GRM8: variants seen among roughly 807,000 people sequenced by gnomAD.
GRM8 encodes the protein metabotropic glutamate receptor 8.
A neutral mutation model predicts 87.2 loss-of-function variants in GRM8; 47 were observed. The ratio of observed to expected loss-of-function variants is 0.54; its 90% confidence interval spans 0.43 to 0.69. The LOEUF (loss-of-function observed/expected upper bound fraction) is 0.69, where lower values mean the gene tolerates loss of function less well. Ranked by LOEUF, GRM8 falls within the 30% of genes least tolerant of loss-of-function variation. GRM8 has a pLI of 0.00. For synonymous variants in GRM8, 396 were observed against 404.5 expected, an observed-to-expected ratio of 0.98 and a Z score of 0.25; for missense variants, 1,019 against 1,139.2, an observed-to-expected ratio of 0.89 and a Z score of 1.52.
chr7:126,945,735 C>T (rs953936809), intron 3 of GRM8, among the ~76,000 whole-genome samples: 1 of 152,124 alleles, frequency 6.6e-6, no homozygotes, highest in African/African-American at 2.4e-5. Flanking sequence ...GGATATACAA[C>T]CTATAATTAA....
intron 3 of GRM8, among the ~76,000 whole-genome samples, chr7:127,062,588 G>C (rs982231631): frequency 2.0e-5 from 3 of 152,186 alleles, no homozygotes; most frequent in Non-Finnish European, 2.9e-5. Context: ...TGTAGGAATG[G>C]TTGGTACTTT....
chr7:126,935,704 T>C (rs1243884607), intron 3 of GRM8, among the ~76,000 whole-genome samples: 1 of 152,148 alleles, frequency 6.6e-6, no homozygotes, highest in African/African-American at 2.4e-5. Flanking sequence ...ATGATAACAG[T>C]TCAACTGAGA....
intron 2 of GRM8, among the ~76,000 whole-genome samples, chr7:127,112,008 G>C (rs1318766375): frequency 7.5e-6 from 1 of 134,004 alleles, no homozygotes; most frequent in Non-Finnish European, 1.5e-5. Flanking sequence ...TGGGCACCAA[G>C]AGCAAAACTC....
Position 127,038,301 on chromosome 7 carries a change from C to G in GRM8, c.727+68195G>C, listed in dbSNP as rs1818037442. On this transcript the variant is annotated intron_variant, in intron 3 of 10. Transcript: ENST00000339582. ...GAAGCCACTGAAGAAAAATATAAGA[C>G]AATACGTAAGAAAGTTACAGTACAC... Among the ~76,000 whole-genome samples, 3 of 152,024 alleles carry G rather than the reference C, an allele frequency of 2.0e-5. No individual in the cohort carries two copies. The South Asian group carries it at 6.2e-4, about 32-fold the overall frequency.
In GRM8 at chr7:126,904,695, A is replaced by C; in HGVS notation, c.728-12T>G. ...AATGCAAACACCACCTATTTAAAAA[A>C]GAAGGGAGGTGGTGATTCAGAAAGA... On this transcript the variant is annotated splice_polypyrimidine_tract_variant and intron_variant, in intron 3 of 10. Coordinates refer to ENST00000339582, the MANE Select transcript of GRM8 (RefSeq NM_000845.3). 6.2e-7 allele frequency: 1 copy of C among 1,611,522 alleles called. No individual in the cohort carries two copies. The highest frequency in any genetic ancestry group is 8.5e-7 in the Non-Finnish European group (1 of 1,178,176).
chr7:127,226,749 C>T (rs1441623110), intron 2 of GRM8, among the ~76,000 whole-genome samples: 2 of 152,232 alleles, frequency 1.3e-5, no homozygotes, highest in African/African-American at 2.4e-5. Flanking sequence ...CATGCTAGAG[C>T]TCCCAAACCA....
At chr7:127,127,432 T>G (rs890805509) in intron 2 of GRM8, among the ~76,000 whole-genome samples, 7 of 152,062 alleles carry the variant, frequency 4.6e-5, no homozygotes, top group Middle Eastern at 6.8e-3. Flanking sequence ...GGTGTAGCAA[T>G]AAAATAAAAT....
intron 9 of GRM8, among the ~76,000 whole-genome samples, chr7:126,483,614 TCTG>T: frequency 6.6e-6 from 1 of 151,592 alleles, no homozygotes. Flanking sequence ...AAACTTGTTA[TCTG>T]TTACTCAAAT....
chr7:126,620,873 T>A (rs1003448164), intron 7 of GRM8, among the ~76,000 whole-genome samples: 1 of 152,128 alleles, frequency 6.6e-6, no homozygotes, highest in Non-Finnish European at 1.5e-5. Flanking sequence ...AAATTATACA[T>A]CTCTTTGTTA....
At chr7:127,084,118 C>A (rs1823187717) in intron 3 of GRM8, among the ~76,000 whole-genome samples, 1 of 152,258 alleles carries the variant, frequency 6.6e-6, no homozygotes, top group Non-Finnish European at 1.5e-5. Flanking sequence ...GCTTAAAAAT[C>A]ATTGAAGGTG....
intron 6 of GRM8, among the ~76,000 whole-genome samples, chr7:126,871,930 T>G (rs1799134284): frequency 6.6e-6 from 1 of 152,182 alleles, no homozygotes; most frequent in Non-Finnish European, 1.5e-5. Flanking sequence ...CTAAAATACT[T>G]TTAATATATA....
chr7:126,770,614 T>C (rs894575084), intron 6 of GRM8, among the ~76,000 whole-genome samples: 1 of 152,054 alleles, frequency 6.6e-6, no homozygotes, highest in Non-Finnish European at 1.5e-5. Context: ...TTGAACTCAA[T>C]TTTCTATTTA....
At chr7:126,725,556 C>G (rs936623837) in intron 7 of GRM8, among the ~76,000 whole-genome samples, 7 of 152,136 alleles carry the variant, frequency 4.6e-5, no homozygotes, top group African/African-American at 1.7e-4. Flanking sequence ...GACCTAGAAG[C>G]TAAGAATATA....
intron 2 of GRM8, among the ~76,000 whole-genome samples, chr7:127,176,901 T>A (rs1794141634): frequency 6.6e-6 from 1 of 152,094 alleles, no homozygotes; most frequent in African/African-American, 2.4e-5. Flanking sequence ...ACCACAGGGA[T>A]CCATTGGGAG....
intron 8 of GRM8, 94 bp from the exon 9 acceptor site, chr7:126,533,981 G>A (rs1815274562): frequency 9.1e-6 from 8 of 881,184 alleles, no homozygotes; most frequent in Non-Finnish European, 1.4e-5. Flanking sequence ...ACAGAATGCT[G>A]ACAGTACAAA....
At chr7:126,875,783 T>C (rs62470225) in intron 6 of GRM8, among the ~76,000 whole-genome samples, 1 of 151,924 alleles carries the variant, frequency 6.6e-6, no homozygotes, top group Non-Finnish European at 1.5e-5. Context: ...TTTTAATGGG[T>C]CTCCCTATCT....
chr7:127,196,229 C>T lies in GRM8; in HGVS notation c.510+46466G>A, dbSNP rs949063141. Among the ~76,000 whole-genome samples, 171 of 152,232 alleles carry T rather than the reference C, an allele frequency of 1.1e-3. 1 individual carries two copies. The highest frequency in any genetic ancestry group is 4.1e-3 in the African/African-American group (170 of 41,544). ...ACATAGTCATTATATAACAAGAACA[C>T]ATGCCCAGCTGGGCACAGTGGCTCA... On this transcript the variant is annotated intron_variant, in intron 2 of 10. Transcript: ENST00000339582.
intron 9 of GRM8, among the ~76,000 whole-genome samples, chr7:126,530,179 CTAAGT>C (rs1346990556): frequency 2.0e-5 from 3 of 152,212 alleles, no homozygotes; most frequent in African/African-American, 7.2e-5. Flanking sequence ...AACTTTTCAA[CTAAGT>C]TTAGTTGTTA....
chr7:126,613,108 T>C (rs1309381056), intron 7 of GRM8, among the ~76,000 whole-genome samples: 1 of 152,204 alleles, frequency 6.6e-6, no homozygotes, highest in Non-Finnish European at 1.5e-5. Flanking sequence ...CCATTACATA[T>C]TGACTCATTT....
Sources: allele counts gnomAD v4.1 joint callset (sites outside exome capture counted in the v4.1 genomes callset), GRCh38; gene constraint gnomAD v4.1.1; transcripts MANE v1.5; gene names NCBI Gene and HGNC (gene_info 2026-07-23, HGNC 2026-07-21).